AGBL4: variants seen among roughly 807,000 people sequenced by gnomAD.
The protein encoded by AGBL4 is cytosolic carboxypeptidase 6.
AGBL4 carries 58 observed loss-of-function variants against 66.4 expected under a neutral mutation model. The observed-to-expected ratio is 0.87, with a 90% CI of 0.71 to 1.09. The LOEUF is 1.09. Among genes scored for constraint, AGBL4 ranks in the 50% least tolerant of loss-of-function variants. AGBL4 has a pLI of 0.00. For synonymous variants in AGBL4, 234 were observed against 222.9 expected, an observed-to-expected ratio of 1.05 and a Z score of -0.44; for missense variants, 579 against 631.0, an observed-to-expected ratio of 0.92 and a Z score of 0.88.
intron 6 of AGBL4, among the ~76,000 whole-genome samples, chr1:48,724,496 A>G (rs538677975): frequency 6.6e-6 from 1 of 152,266 alleles, no homozygotes; most frequent in Admixed American, 6.5e-5. Flanking sequence ...CACTTTGTGG[A>G]TGTTAGAATT....
chr1:49,016,624 G>T (rs965049652), intron 5 of AGBL4, among the ~76,000 whole-genome samples: 8 of 152,202 alleles, frequency 5.3e-5, no homozygotes, highest in African/African-American at 1.9e-4. Flanking sequence ...TGGCTGGAAA[G>T]TTGGAGGTCA....
At chr1:48,929,786 C>G (rs1654888862) in intron 5 of AGBL4, among the ~76,000 whole-genome samples, 2 of 152,144 alleles carry the variant, frequency 1.3e-5, no homozygotes, top group African/African-American at 4.8e-5. Flanking sequence ...TAGAGATTCT[C>G]CAGGCTTCTA....
chr1:48,645,310 T>C (rs929118337), intron 8 of AGBL4, among the ~76,000 whole-genome samples: 1 of 152,192 alleles, frequency 6.6e-6, no homozygotes, highest in African/African-American at 2.4e-5. Context: ...GCTCACTCAC[T>C]GTGTGACCTT....
intron 6 of AGBL4, among the ~76,000 whole-genome samples, chr1:48,799,783 T>C (rs1570701437): frequency 6.6e-6 from 1 of 152,228 alleles, no homozygotes; most frequent in Non-Finnish European, 1.5e-5. Flanking sequence ...TAATTCTGCT[T>C]ATGTGATGTA....
At chr1:49,692,141 A>C (rs1441973975) in intron 3 of AGBL4, among the ~76,000 whole-genome samples, 1 of 152,158 alleles carries the variant, frequency 6.6e-6, no homozygotes, top group East Asian at 1.9e-4. Flanking sequence ...CCATATTAGT[A>C]GTCTCTTTAC....
intron 3 of AGBL4, among the ~76,000 whole-genome samples, chr1:49,672,921 C>CAAAAAAAAAAAAAAAAAAAA (rs60612868): frequency 2.1e-5 from 1 of 47,058 alleles, no homozygotes; most frequent in Non-Finnish European, 5.0e-5. Context: ...AACTCCATCT[C>CAAAAAAAAAAAAAAAAAAAA]AAAAAAAAAA....
intron 6 of AGBL4, among the ~76,000 whole-genome samples, chr1:48,817,191 A>G (rs1570742063): frequency 6.6e-6 from 1 of 152,220 alleles, no homozygotes; most frequent in African/African-American, 2.4e-5. Context: ...GACATTTTGA[A>G]TGTTGCTATT....
At chr1:49,733,298 A>G (rs973443706) in intron 2 of AGBL4, among the ~76,000 whole-genome samples, 1 of 152,228 alleles carries the variant, frequency 6.6e-6, no homozygotes, top group African/African-American at 2.4e-5. Flanking sequence ...CTTTCAAGTG[A>G]AAGAACATGG....
intron 1 of AGBL4, among the ~76,000 whole-genome samples, chr1:49,911,103 G>A (rs1650779751): frequency 6.6e-6 from 1 of 152,208 alleles, no homozygotes; most frequent in African/African-American, 2.4e-5. Flanking sequence ...AGATTTTGCT[G>A]ATGATAAACC....
chr1:49,395,896 T>A (rs1644963773), intron 3 of AGBL4, among the ~76,000 whole-genome samples: 1 of 145,936 alleles, frequency 6.9e-6, no homozygotes, highest in African/African-American at 2.5e-5. Flanking sequence ...CATATATCAG[T>A]GGTCCTCCCC....
intron 6 of AGBL4, among the ~76,000 whole-genome samples, chr1:48,704,466 C>T (rs1646850984): frequency 6.6e-6 from 1 of 152,152 alleles, no homozygotes; most frequent in African/African-American, 2.4e-5. Context: ...CTCTTAATAA[C>T]ACTTAGCTTA....
chr1:49,785,206 C>G (rs1251701855), intron 2 of AGBL4, among the ~76,000 whole-genome samples: 1 of 151,814 alleles, frequency 6.6e-6, no homozygotes. Context: ...CAGAACCTGA[C>G]CAAAGAGTAC....
chr1:49,990,815 A>C (rs1210602880), intron 1 of AGBL4, among the ~76,000 whole-genome samples: 1 of 152,246 alleles, frequency 6.6e-6, no homozygotes, highest in Non-Finnish European at 1.5e-5. Context: ...GGATTAAATA[A>C]GTTTCAGAAA....
chr1:48,904,959 C>T (rs1652443804), intron 5 of AGBL4, among the ~76,000 whole-genome samples: 1 of 152,172 alleles, frequency 6.6e-6, no homozygotes, highest in African/African-American at 2.4e-5. Context: ...ATGACACTCT[C>T]CAATAATAAA....
intron 3 of AGBL4, among the ~76,000 whole-genome samples, chr1:49,530,210 CATT>C (rs1257024263): frequency 7.8e-6 from 1 of 128,020 alleles, no homozygotes; most frequent in Non-Finnish European, 1.6e-5. Flanking sequence ...TTGGATTTTA[CATT>C]ATTGTTTTAA....
chr1:48,661,156 CA>C (rs1646101509), intron 7 of AGBL4, among the ~76,000 whole-genome samples: 1 of 152,184 alleles, frequency 6.6e-6, no homozygotes, highest in African/African-American at 2.4e-5. Flanking sequence ...GATAATAAAT[CA>C]GGGCAATAGA....
intron 11 of AGBL4, chr1:48,586,117 G>T (rs771566227): frequency 6.6e-6 from 1 of 152,196 alleles, no homozygotes; most frequent in Non-Finnish European, 1.5e-5. Flanking sequence ...GCCACGATCT[G>T]TTACAGCTCT....
At chr1:49,444,935 A>G (rs1204933952) in intron 3 of AGBL4, among the ~76,000 whole-genome samples, 1 of 148,320 alleles carries the variant, frequency 6.7e-6, no homozygotes, top group Non-Finnish European at 1.5e-5. Context: ...TGATTACTTT[A>G]CCAGTGAGCT....
At chr1:48,572,208 C>T (rs1644576753) in intron 11 of AGBL4, among the ~76,000 whole-genome samples, 1 of 152,112 alleles carries the variant, frequency 6.6e-6, no homozygotes, top group South Asian at 2.1e-4. Flanking sequence ...GTAAAAGGCA[C>T]TGACACAGGT....
Sources: allele counts gnomAD v4.1 joint callset (sites outside exome capture counted in the v4.1 genomes callset), GRCh38; gene constraint gnomAD v4.1.1; transcripts MANE v1.5; gene names NCBI Gene and HGNC (gene_info 2026-07-23, HGNC 2026-07-21).